The following SVEP1 variants were observed in gnomAD, a reference collection of about 807,000 sequenced individuals.
SVEP1 encodes the protein sushi, von Willebrand factor type A, EGF and pentraxin domain-containing protein 1.
A neutral mutation model predicts 367.3 loss-of-function variants in SVEP1; 164 were observed. The observed-to-expected ratio is 0.45, with a 90% confidence interval of 0.39 to 0.51. The LOEUF is 0.51. Ranked by LOEUF, SVEP1 falls within the 20% of genes least tolerant of loss-of-function variation. SVEP1 has a pLI of 0.00. For missense variants in SVEP1, 4,117 were observed against 4,425.3 expected (o/e 0.93, Z 1.98); for synonymous variants, 1,666 against 1,611.6 (o/e 1.03, Z -0.81).
At chr9:110,488,125 G>T (rs921735265) in intron 9 of SVEP1, among the ~76,000 whole-genome samples, 1 of 152,168 alleles carries the variant, frequency 6.6e-6, no homozygotes, top group Admixed American at 6.5e-5. Flanking sequence ...TACCTTCTTG[G>T]ATATTGGTGA....
intron 3 of SVEP1, among the ~76,000 whole-genome samples, chr9:110,537,543 C>A (rs1830093755): frequency 6.6e-6 from 1 of 151,666 alleles, no homozygotes; most frequent in Non-Finnish European, 1.5e-5. Flanking sequence ...CTGTGATCAA[C>A]AGAAGGCTTT....
At chr9:110,483,787 C>A (rs981710888) in intron 9 of SVEP1, 94 bp from the exon 10 acceptor site, 23 of 863,620 alleles carry the variant, frequency 2.7e-5, no homozygotes, top group Non-Finnish European at 3.5e-5. Flanking sequence ...CTTGTGCTGG[C>A]AGACAGCCTT....
intron 29 of SVEP1, 89 bp from the exon 30 acceptor site, chr9:110,434,595 G>T: frequency 8.9e-7 from 1 of 1,120,004 alleles, no homozygotes; most frequent in Non-Finnish European, 1.2e-6. Context: ...TTCTGTATCA[G>T]CATTTGAGAG....
chr9:110,522,889 G>C (rs1291267569), intron 3 of SVEP1, among the ~76,000 whole-genome samples: 1 of 152,054 alleles, frequency 6.6e-6, no homozygotes, highest in Non-Finnish European at 1.5e-5. Flanking sequence ...TAATTTAAAA[G>C]CCTTTTTATT....
Position 110,430,342 on chromosome 9 carries a change from A to G in SVEP1, c.5462T>C (p.Leu1821Ser). 6.2e-7 allele frequency: 1 copy of G among 1,613,584 alleles called. No individual in the cohort carries two copies. The highest frequency in any genetic ancestry group is 8.5e-7 in the Non-Finnish European group (1 of 1,179,748). ...ACATGTGATTTTGGTTACTCCCATCAACTGGTATCCTTCCTGACACGAAAA... is the reference window on the plus strand; with the variant it reads ...ACATGTGATTTTGGTTACTCCCATCGACTGGTATCCTTCCTGACACGAAAA... Reference protein sequence around the residue: ...VTFSCQEGYQLMGVTKITCLE... With the variant: ...VTFSCQEGYQSMGVTKITCLE... The change falls in exon 33 of 48, where the codon TTG becomes TCG. Residue 1821 changes from leucine to serine, a missense_variant. Around this residue, in one of 4 missense-constraint regions of SVEP1, gnomAD observed 2,174 missense variants for 2,494.3 expected, o/e 0.87. Transcript: ENST00000374469.
chr9:110,382,150 T>C (rs1273337735), intron 43 of SVEP1, among the ~76,000 whole-genome samples: 2 of 152,194 alleles, frequency 1.3e-5, no homozygotes, highest in Non-Finnish European at 2.9e-5. Flanking sequence ...TGCAGACTTG[T>C]TGATGTAGTT....
In SVEP1 at chr9:110,411,111, G is replaced by C. The variant is rs779348403; in HGVS notation, c.6600C>G (p.His2200Gln). ...GQWSSPIPTCHPVSCGEPPKV... is the reference protein window; with the variant it reads ...GQWSSPIPTCQPVSCGEPPKV... Reference sequence around the variant, plus strand: ...TAGGTGGTTCACCACAAGATACCGGGTGGCACGTCGGTATAGGACTACTCC... The same window carrying C: ...TAGGTGGTTCACCACAAGATACCGGCTGGCACGTCGGTATAGGACTACTCC... Residue 2200 changes from histidine (H) to glutamine (Q), a missense_variant, in exon 37 of 48, where the codon CAC becomes CAG. Physicochemically the swap from His to Gln is conservative, Grantham distance 24. This residue lies in a region of SVEP1 where 1,765 missense variants were observed against 1,781.1 expected (regional missense o/e 0.99). Transcript: ENST00000374469. 3.7e-6 allele frequency: 6 copies of C among 1,609,878 alleles called. No individual in the cohort carries two copies. In the East Asian group the frequency reaches 1.1e-4, roughly 30 times the overall value.
intron 27 of SVEP1, 82 bp downstream of exon 27, chr9:110,443,463 C>A: frequency 8.3e-7 from 1 of 1,201,768 alleles, no homozygotes; most frequent in Non-Finnish European, 1.1e-6. Context: ...CCAAGAACAA[C>A]AATGCTAGCA....
chr9:110,524,161 A>G (rs1326197513), intron 3 of SVEP1, among the ~76,000 whole-genome samples: 1 of 152,170 alleles, frequency 6.6e-6, no homozygotes, highest in Non-Finnish European at 1.5e-5. Context: ...ATAATTTTAA[A>G]ATGTCCAAAA....
intron 40 of SVEP1, among the ~76,000 whole-genome samples, chr9:110,393,441 T>C (rs1827699794): frequency 6.6e-6 from 1 of 152,110 alleles, no homozygotes; most frequent in Non-Finnish European, 1.5e-5. Context: ...GCTCCCAGCG[T>C]GAGCGACGCA....
At chr9:110,448,817 A>G (rs1223728999) in intron 24 of SVEP1, among the ~76,000 whole-genome samples, 1 of 152,238 alleles carries the variant, frequency 6.6e-6, no homozygotes, top group African/African-American at 2.4e-5. Context: ...CCCATGAGAA[A>G]GTGATGCTAC....
At chr9:110,414,054 T>G (rs1380343358) in intron 36 of SVEP1, among the ~76,000 whole-genome samples, 1 of 151,880 alleles carries the variant, frequency 6.6e-6, no homozygotes, top group Non-Finnish European at 1.5e-5. Flanking sequence ...CTACACCTTT[T>G]CCATAACACT....
Position 110,366,197 on chromosome 9 carries a change from T to G in SVEP1, c.*342A>C, listed in dbSNP as rs1827196591. The G allele has an allele frequency of 4.7e-6, 1 of 213,202 alleles. No homozygotes were observed. Among genetic ancestry groups the G allele is most frequent in the African/African-American group, 2.3e-5 (1 of 43,754 alleles). 13.2% of individuals were successfully genotyped at this position (213,202 alleles called of 1,614,324 possible). Reference sequence around the variant, plus strand: ...AATATTATTTAGTAGCAAAATATACTTTAATGGAAAAATCATTTTAAGTAA... The same window carrying G: ...AATATTATTTAGTAGCAAAATATACGTTAATGGAAAAATCATTTTAAGTAA... On this transcript the variant is annotated 3_prime_UTR_variant, in exon 48 of 48. Coordinates refer to ENST00000374469, the MANE Select transcript of SVEP1 (RefSeq NM_153366.4).
At position 110,519,503 on chromosome 9, in the gene SVEP1, C is replaced by G. The variant is rs558469522; in HGVS notation, c.965-5397G>C. On this transcript the variant is annotated intron_variant, in intron 3 of 47. Transcript: ENST00000374469. Reference sequence around the variant, plus strand: ...CTTCAGACAAATTTTGTTGCCTTCTCGCGGAACCCACAGAGTACACTACCC... The same window carrying G: ...CTTCAGACAAATTTTGTTGCCTTCTGGCGGAACCCACAGAGTACACTACCC... Among the ~76,000 whole-genome samples, 3 of 152,270 alleles carry G rather than the reference C, an allele frequency of 2.0e-5. No individual in the cohort carries two copies. The East Asian group carries it at 5.8e-4, about 29-fold the overall frequency.
In SVEP1 at chr9:110,579,397, C is replaced by A. The variant is rs767941372; in HGVS notation, c.147G>T (p.Pro49=). 3.1e-5 allele frequency: 48 copies of A among 1,571,072 alleles called. No homozygotes were observed. Among genetic ancestry groups the A allele is most frequent in the Non-Finnish European group, 8.6e-6 (10 of 1,159,262 alleles). ...CCGCCGCTTCGTCGCCAGGAGCGGG[C>A]GGCGCGGGGATACTCCCGGGGGCCC... is the stretch of plus-strand genomic sequence containing the variant. ...APGAPGSIPA[P]PAPGDEAAGS... Residue 49 remains proline, a synonymous_variant, in exon 1 of 48, where the codon CCG becomes CCT. Coordinates refer to ENST00000374469, the MANE Select transcript of SVEP1 (RefSeq NM_153366.4). This position sits in a 1 kb window ranked among gnomAD's most constrained non-coding sequence, Gnocchi z 5.3.
chr9:110,394,472 C>T (rs960741730), intron 40 of SVEP1, among the ~76,000 whole-genome samples: 1 of 152,278 alleles, frequency 6.6e-6, no homozygotes, highest in Middle Eastern at 3.4e-3. Flanking sequence ...AACGCAGCTC[C>T]TCACCAGCAA....
chr9:110,456,766 A>C (rs1271737148), intron 21 of SVEP1, among the ~76,000 whole-genome samples: 2 of 152,230 alleles, frequency 1.3e-5, no homozygotes, highest in African/African-American at 4.8e-5. Context: ...CCCATAATTC[A>C]TACGTAATTC....
intron 9 of SVEP1, among the ~76,000 whole-genome samples, chr9:110,484,976 A>G (rs1375821077): frequency 6.6e-6 from 1 of 152,228 alleles, no homozygotes; most frequent in Non-Finnish European, 1.5e-5. Context: ...ATGCTTTTAC[A>G]CTGTTGGTGG....
chr9:110,510,951 G>C (rs1441390511), intron 5 of SVEP1, among the ~76,000 whole-genome samples: 1 of 152,140 alleles, frequency 6.6e-6, no homozygotes, highest in African/African-American at 2.4e-5. Context: ...ATGAACAGTA[G>C]CTTGCCTGAG....
Sources: allele counts gnomAD v4.1 joint callset (sites outside exome capture counted in the v4.1 genomes callset), GRCh38; gene constraint gnomAD v4.1.1; regional missense constraint gnomAD v4.1.1; non-coding constraint Gnocchi (gnomAD v3.1); transcripts MANE v1.5; gene names NCBI Gene and HGNC (gene_info 2026-07-23, HGNC 2026-07-21).